Variants in PDE3B observed in about 807,000 individuals in gnomAD.
PDE3B encodes the protein phosphodiesterase 3B.
In PDE3B, 66 loss-of-function variants were observed where a neutral mutation model predicts 116.8. The ratio of observed to expected loss-of-function variants is 0.56; its 90% CI spans 0.46 to 0.69. PDE3B has a LOEUF of 0.69. Ranked by LOEUF, PDE3B falls within the 30% of genes least tolerant of loss-of-function variation. The pLI is 0.00. For synonymous variants in PDE3B, 595 were observed against 533.6 expected (o/e 1.12, Z -1.59); for missense variants, 1,384 against 1,368.1 (o/e 1.01, Z -0.18).
At chr11:14,667,833 TATAATAATA>T (rs60396910) in intron 1 of PDE3B, among the ~76,000 whole-genome samples, 18 of 148,578 alleles carry the variant, frequency 1.2e-4, no homozygotes, top group Admixed American at 2.0e-4. Context: ...AAACTTAAAG[TATAATAATA>T]ATAATAATAA....
intron 1 of PDE3B, among the ~76,000 whole-genome samples, chr11:14,678,183 C>T (rs1854590142): frequency 2.0e-5 from 3 of 152,098 alleles, no homozygotes; most frequent in Non-Finnish European, 4.4e-5. Flanking sequence ...GTCTTAGCCT[C>T]CCGGACTGCT....
downstream of PDE3B, among the ~76,000 whole-genome samples, chr11:14,876,645 T>A (rs1848192429): frequency 6.6e-6 from 1 of 152,160 alleles, no homozygotes; most frequent in Non-Finnish European, 1.5e-5. Flanking sequence ...AAAACAGTTT[T>A]CTGGGGGCAT....
chr11:14,648,081 A>G (rs1853464676), intron 1 of PDE3B, among the ~76,000 whole-genome samples: 1 of 152,054 alleles, frequency 6.6e-6, no homozygotes, highest in Non-Finnish European at 1.5e-5. Context: ...GTTTAAAAAA[A>G]TCAGTCGTCT....
chr11:14,795,679 C>T (rs1858530758), intron 4 of PDE3B, among the ~76,000 whole-genome samples: 2 of 152,148 alleles, frequency 1.3e-5, no homozygotes, highest in Non-Finnish European at 2.9e-5. Flanking sequence ...TTTGTCTTGA[C>T]TATTAATCAT....
intron 7 of PDE3B, among the ~76,000 whole-genome samples, chr11:14,819,475 T>C (rs906945705): frequency 6.6e-6 from 1 of 152,204 alleles, no homozygotes; most frequent in Non-Finnish European, 1.5e-5. Context: ...GAATTATTTA[T>C]ATTAAACATT....
At chr11:14,721,129 C>T (rs1431067890) in intron 1 of PDE3B, among the ~76,000 whole-genome samples, 15 of 150,402 alleles carry the variant, frequency 1.0e-4, no homozygotes, top group Admixed American at 9.9e-4. Flanking sequence ...TGAACAGACA[C>T]TTCTCAAAAG....
chr11:14,888,334 T>C, the PDE3B span, among the ~76,000 whole-genome samples: 3 of 152,230 alleles, frequency 2.0e-5, no homozygotes, highest in African/African-American at 7.2e-5. Flanking sequence ...ACAATAGAAA[T>C]ATATGTTGAA....
intron 14 of PDE3B, among the ~76,000 whole-genome samples, chr11:14,863,277 A>G (rs1275164042): frequency 1.3e-5 from 2 of 152,140 alleles, no homozygotes; most frequent in African/African-American, 4.8e-5. Context: ...TATCCAGTCT[A>G]TCATTAATGG....
At chr11:14,894,027 A>C in the PDE3B span, among the ~76,000 whole-genome samples, 2 of 152,148 alleles carry the variant, frequency 1.3e-5, no homozygotes, top group Non-Finnish European at 2.9e-5. Context: ...TCCATCTCCC[A>C]CGCAAGGACA....
chr11:14,722,648 C>T (rs185709151), intron 1 of PDE3B, among the ~76,000 whole-genome samples: 5 of 152,116 alleles, frequency 3.3e-5, no homozygotes, highest in Admixed American at 6.6e-5. Flanking sequence ...ACCATGTGAG[C>T]GAGCTGAGAA....
intron 1 of PDE3B, among the ~76,000 whole-genome samples, chr11:14,717,312 A>AGGG (rs1855933296): frequency 8.1e-6 from 1 of 124,014 alleles, no homozygotes; most frequent in African/African-American, 3.1e-5. Flanking sequence ...CCTGAAAGTG[A>AGGG]GGGGGAGAAT....
intron 5 of PDE3B, among the ~76,000 whole-genome samples, chr11:14,807,982 C>T (rs1858996784): frequency 6.6e-6 from 1 of 151,848 alleles, no homozygotes; most frequent in Non-Finnish European, 1.5e-5. Flanking sequence ...ATCGCTTGAA[C>T]CCGGGAGACA....
At chr11:14,653,107 T>G (rs2133750354) in intron 1 of PDE3B, among the ~76,000 whole-genome samples, 1 of 152,344 alleles carries the variant, frequency 6.6e-6, no homozygotes, top group South Asian at 2.1e-4. Flanking sequence ...TGCAACTGAT[T>G]TGTATGTGTT....
chr11:14,755,424 G>A (rs148214068), intron 1 of PDE3B, among the ~76,000 whole-genome samples: 2 of 152,282 alleles, frequency 1.3e-5, no homozygotes, highest in Non-Finnish European at 2.9e-5. Flanking sequence ...TAAAAGTCAG[G>A]AGAAGAATCT....
chr11:14,854,518 ATT>A (rs72059847), intron 12 of PDE3B, among the ~76,000 whole-genome samples: 48 of 143,946 alleles, frequency 3.3e-4, no homozygotes, highest in African/African-American at 7.1e-4. Context: ...GAAATCTAGA[ATT>A]TTTTTTTTTT....
chr11:14,671,770 G>A (rs145531405), intron 1 of PDE3B, among the ~76,000 whole-genome samples: 54 of 151,902 alleles, frequency 3.6e-4, no homozygotes, highest in African/African-American at 1.2e-3. Flanking sequence ...GCTCATCCCT[G>A]TAATCCTAGC....
chr11:14,845,800 A>C (rs550173249), intron 12 of PDE3B, among the ~76,000 whole-genome samples: 5 of 152,334 alleles, frequency 3.3e-5, no homozygotes, highest in Admixed American at 6.5e-5. Flanking sequence ...CAAAGAATAA[A>C]AAGAAACAAA....
chr11:14,670,429 C>T (rs894287115), intron 1 of PDE3B, among the ~76,000 whole-genome samples: 4 of 152,020 alleles, frequency 2.6e-5, no homozygotes, highest in African/African-American at 9.7e-5. Flanking sequence ...TGAAAGGCTG[C>T]CCCATGAAAT....
intron 4 of PDE3B, among the ~76,000 whole-genome samples, chr11:14,794,686 A>G (rs1858497464): frequency 1.3e-5 from 2 of 152,104 alleles, no homozygotes; most frequent in Non-Finnish European, 2.9e-5. Context: ...TCAGTCCGAC[A>G]AGACTGATCT....
Sources: allele counts gnomAD v4.1 joint callset (sites outside exome capture counted in the v4.1 genomes callset), GRCh38; gene constraint gnomAD v4.1.1; transcripts MANE v1.5; gene names NCBI Gene and HGNC (gene_info 2026-07-23, HGNC 2026-07-21).